Variants in HPSE2 observed in about 807,000 individuals in gnomAD.
HPSE2 encodes the protein heparanase 2 (inactive), also known as inactive heparanase-2.
HPSE2 carries 38 observed loss-of-function variants against 60.5 expected under a neutral mutation model. The ratio of observed to expected loss-of-function variants is 0.63; its 90% CI spans 0.48 to 0.82. The LOEUF is 0.82. Among genes scored for constraint, HPSE2 ranks in the 40% least tolerant of loss-of-function variants. The pLI, the probability that HPSE2 is intolerant of heterozygous loss-of-function variation, is 0.00. For synonymous variants in HPSE2, 295 were observed against 293.2 expected (o/e 1.01, Z -0.06); for missense variants, 713 against 740.4 (o/e 0.96, Z 0.43).
chr10:98,907,497 C>T (rs1234876200), intron 3 of HPSE2, among the ~76,000 whole-genome samples: 1 of 152,100 alleles, frequency 6.6e-6, no homozygotes, highest in Non-Finnish European at 1.5e-5. Flanking sequence ...CAAAACAATA[C>T]ACACAGTTTT....
chr10:99,200,234 A>G (rs1475300876), intron 2 of HPSE2, among the ~76,000 whole-genome samples: 2 of 152,094 alleles, frequency 1.3e-5, no homozygotes, highest in Non-Finnish European at 2.9e-5. Flanking sequence ...GTGACCCATT[A>G]CTATTAGTAA....
chr10:98,817,724 T>G (rs924270536), intron 3 of HPSE2, among the ~76,000 whole-genome samples: 10 of 152,198 alleles, frequency 6.6e-5, no homozygotes, highest in African/African-American at 2.4e-4. Context: ...CTGTTAAAAC[T>G]GTTCAAATTC....
chr10:99,307,710 C>A, the HPSE2 span, among the ~76,000 whole-genome samples: 2 of 152,142 alleles, frequency 1.3e-5, no homozygotes, highest in East Asian at 1.9e-4. Flanking sequence ...AAATCCTTAA[C>A]AACCATTACC....
chr10:99,068,523 G>A (rs1405301693), intron 3 of HPSE2, among the ~76,000 whole-genome samples: 1 of 152,190 alleles, frequency 6.6e-6, no homozygotes, highest in Non-Finnish European at 1.5e-5. Flanking sequence ...CATGAGAACA[G>A]TGTGGAAGAA....
intron 2 of HPSE2, among the ~76,000 whole-genome samples, chr10:99,228,838 T>C (rs17111323): frequency 0.022 from 3,290 of 152,266 alleles, 119 homozygotes; most frequent in East Asian, 0.16. Flanking sequence ...ACATGAGTTG[T>C]TAATTGCATT....
intron 2 of HPSE2, among the ~76,000 whole-genome samples, chr10:99,188,543 T>C (rs1329394998): frequency 6.6e-6 from 1 of 152,164 alleles, no homozygotes; most frequent in Non-Finnish European, 1.5e-5. Context: ...CTCGCCTAAA[T>C]CTAATTGAGA....
At chr10:99,070,983 A>C (rs1267466208) in intron 3 of HPSE2, among the ~76,000 whole-genome samples, 2 of 152,032 alleles carry the variant, frequency 1.3e-5, no homozygotes, top group Admixed American at 6.6e-5. Flanking sequence ...GAGTGAAAAT[A>C]TCTCTTCAAT....
the HPSE2 span, among the ~76,000 whole-genome samples, chr10:99,289,507 T>C: frequency 6.7e-6 from 1 of 149,242 alleles, no homozygotes; most frequent in African/African-American, 2.5e-5. Flanking sequence ...ATTATTCTGA[T>C]TGAGTCATCT....
intron 3 of HPSE2, among the ~76,000 whole-genome samples, chr10:98,769,451 C>T (rs901495178): frequency 6.6e-6 from 1 of 152,120 alleles, no homozygotes; most frequent in Non-Finnish European, 1.5e-5. Flanking sequence ...CATGATGACA[C>T]ACTACTCAGT....
intron 3 of HPSE2, among the ~76,000 whole-genome samples, chr10:98,920,680 T>C (rs1006313022): frequency 2.6e-5 from 4 of 152,198 alleles, no homozygotes; most frequent in Admixed American, 2.6e-4. Context: ...CATCTTTTAC[T>C]AACATTTCAT....
At chr10:98,740,904 C>T (rs1226993836) in intron 4 of HPSE2, among the ~76,000 whole-genome samples, 1 of 152,042 alleles carries the variant, frequency 6.6e-6, no homozygotes, top group Non-Finnish European at 1.5e-5. Context: ...CAATATACAA[C>T]ACAGAATAGT....
chr10:99,166,089 C>A (rs1589761188), intron 2 of HPSE2, among the ~76,000 whole-genome samples: 1 of 152,124 alleles, frequency 6.6e-6, no homozygotes. Flanking sequence ...TGGCTTCTTT[C>A]ACTTTGCAAA....
chr10:98,660,795 C>T (rs1374910989), intron 6 of HPSE2, among the ~76,000 whole-genome samples: 9 of 152,142 alleles, frequency 5.9e-5, no homozygotes, highest in Non-Finnish European at 5.9e-5. Context: ...TTTGGTGTCC[C>T]TTGAGCAATT....
chr10:99,020,176 G>A (rs907171315), intron 3 of HPSE2, among the ~76,000 whole-genome samples: 4 of 151,984 alleles, frequency 2.6e-5, no homozygotes, highest in African/African-American at 9.7e-5. Flanking sequence ...CTCTACATCA[G>A]GCATTATACT....
chr10:98,612,095 A>G (rs920598581), intron 9 of HPSE2, among the ~76,000 whole-genome samples: 2 of 152,150 alleles, frequency 1.3e-5, no homozygotes, highest in Admixed American at 6.5e-5. Context: ...AGTTTGTCCA[A>G]CTCTGGAAAT....
chr10:98,468,631 TTTTCA>T (rs1940654585), intron 11 of HPSE2, among the ~76,000 whole-genome samples: 1 of 152,080 alleles, frequency 6.6e-6, no homozygotes, highest in Admixed American at 6.5e-5. Flanking sequence ...TGCTACTGAC[TTTTCA>T]TTTCTCAATT....
At position 98,597,431 on chromosome 10, in the gene HPSE2, A is replaced by T. The variant is rs140604576; in HGVS notation, c.1320+17473T>A. Among the ~76,000 whole-genome samples, 319 of 151,994 alleles carry T rather than the reference A, an allele frequency of 2.1e-3. 1 individual carries two copies. Among genetic ancestry groups the T allele is most frequent in the Middle Eastern group, 0.01 (3 of 294 alleles). The stretch of plus-strand genomic sequence containing the variant: ...TGTAATCCCAGCACTTTGGAAGGCC[A>T]AGGCGGGTGGATTGCCTGAGCTCAG... On this transcript the variant is annotated intron_variant, in intron 9 of 11. Transcript: ENST00000370552.
chr10:98,514,711 G>GTTT (rs35977879), intron 9 of HPSE2, among the ~76,000 whole-genome samples: 1 of 67,726 alleles, frequency 1.5e-5, no homozygotes, highest in African/African-American at 5.3e-5. Context: ...TATATACTTT[G>GTTT]TTTTTTTTTT....
In HPSE2 at chr10:98,941,213, G is replaced by A. The variant is rs1378315447; in HGVS notation, c.611-197157C>T. On this transcript the variant is annotated intron_variant, in intron 3 of 11. Transcript: ENST00000370552. The stretch of plus-strand genomic sequence containing the variant: ...TCTCTCACCACTCCTATTCAACATA[G>A]TGTTGGAAGTTCTGGCCAGGGCAAT... Among the ~76,000 whole-genome samples, 43 of 135,184 alleles carry A rather than the reference G, an allele frequency of 3.2e-4. 5 individuals carry two copies. The highest frequency in any genetic ancestry group is 1.3e-3 in the African/African-American group (42 of 31,944). The allele number at this position is 135,184 out of a possible 152,430, so 88.7% of individuals were successfully genotyped here.
Sources: allele counts gnomAD v4.1 joint callset (sites outside exome capture counted in the v4.1 genomes callset), GRCh38; gene constraint gnomAD v4.1.1; transcripts MANE v1.5; gene names NCBI Gene and HGNC (gene_info 2026-07-23, HGNC 2026-07-21).